STEAP3: variants seen among roughly 807,000 people sequenced by gnomAD.
The protein encoded by STEAP3 is metalloreductase STEAP3.
STEAP3 carries 35 observed loss-of-function variants against 34.9 expected under a neutral mutation model. That is an observed-to-expected ratio of 1.00 (90% CI 0.76 to 1.33). The LOEUF is 1.33. Among genes scored for constraint, STEAP3 ranks in the 40% most tolerant of loss-of-function variants. The probability of loss-of-function intolerance (pLI) is 0.00; values close to 1 mark genes in which losing one functional copy is unlikely to be tolerated. For synonymous variants in STEAP3, 281 were observed against 301.6 expected, an observed-to-expected ratio of 0.93 and a Z score of 0.71; for missense variants, 652 against 667.6, an observed-to-expected ratio of 0.98 and a Z score of 0.26.
intron 1 of STEAP3, among the ~76,000 whole-genome samples, chr2:119,228,432 G>A (rs1402607675): frequency 6.6e-6 from 1 of 152,178 alleles, no homozygotes; most frequent in African/African-American, 2.4e-5. Context: ...AGTTTGAGGG[G>A]ACCCACCACT....
At chr2:119,228,870 C>A (rs1019979525) in intron 1 of STEAP3, among the ~76,000 whole-genome samples, 1 of 152,124 alleles carries the variant, frequency 6.6e-6, no homozygotes, top group Admixed American at 6.5e-5. Context: ...CCCCAGGGGG[C>A]AGCTGTCACA....
At chr2:119,247,641 C>G (rs1217815517) in intron 3 of STEAP3, 38 bp from the exon 4 acceptor site, 8 of 1,502,766 alleles carry the variant, frequency 5.3e-6, no homozygotes, top group Non-Finnish European at 6.2e-6. Flanking sequence ...CTCCTGTGGC[C>G]TGTGACGCCG....
At chr2:119,241,630 A>G (rs1361526011) in intron 2 of STEAP3, among the ~76,000 whole-genome samples, 2 of 152,174 alleles carry the variant, frequency 1.3e-5, no homozygotes, top group Non-Finnish European at 2.9e-5. Context: ...GAAGCCACCC[A>G]GAGAGGCCCA....
At chr2:119,261,854 A>T (rs1244574674) in intron 5 of STEAP3, among the ~76,000 whole-genome samples, 1 of 152,190 alleles carries the variant, frequency 6.6e-6, no homozygotes, top group Non-Finnish European at 1.5e-5. Context: ...TCTCGGCTGG[A>T]AGTGACCCAC....
intron 2 of STEAP3, among the ~76,000 whole-genome samples, chr2:119,239,669 A>G (rs1452216633): frequency 2.0e-5 from 3 of 152,094 alleles, no homozygotes; most frequent in African/African-American, 4.8e-5. Flanking sequence ...TCAATTCGTC[A>G]AAGTTCGGCT....
intron 2 of STEAP3, among the ~76,000 whole-genome samples, chr2:119,235,836 C>T (rs1677078974): frequency 6.6e-6 from 1 of 152,180 alleles, no homozygotes; most frequent in African/African-American, 2.4e-5. Flanking sequence ...CATGACTGTC[C>T]TCGGCAGGGA....
At chr2:119,246,471 A>G (rs1364452223) in intron 3 of STEAP3, 2 of 163,478 alleles carry the variant, frequency 1.2e-5, no homozygotes, top group African/African-American at 2.4e-5. Context: ...GGGGCTAGAT[A>G]ATGGCTCCAC....
At chr2:119,254,997 G>A in intron 5 of STEAP3, 149 bp downstream of exon 5, 2 of 1,042,530 alleles carry the variant, frequency 1.9e-6, no homozygotes, top group Non-Finnish European at 2.8e-6. Flanking sequence ...CTGACCCAGA[G>A]GGCCCATCCA....
chr2:119,231,844 C>T (rs838097), intron 2 of STEAP3, among the ~76,000 whole-genome samples: 1 of 152,152 alleles, frequency 6.6e-6, no homozygotes, highest in African/African-American at 2.4e-5. Context: ...AAATAGAAAT[C>T]TACCAATTAG....
chr2:119,228,544 G>T (rs1019856045), intron 1 of STEAP3, among the ~76,000 whole-genome samples: 11 of 152,308 alleles, frequency 7.2e-5, no homozygotes, highest in African/African-American at 2.4e-4. Flanking sequence ...GATGTCTCTG[G>T]ACTGGCCAGA....
At chr2:119,257,540 C>T in intron 5 of STEAP3, 2 of 1,543,606 alleles carry the variant, frequency 1.3e-6, no homozygotes, top group Non-Finnish European at 1.8e-6. Context: ...ACTTACCTGC[C>T]CCGCATCATC....
chr2:119,234,475 C>T (rs1243935639), intron 2 of STEAP3, among the ~76,000 whole-genome samples: 6 of 152,228 alleles, frequency 3.9e-5, no homozygotes, highest in Admixed American at 1.3e-4. Flanking sequence ...AAACTAAAGC[C>T]CTCCTCCCTG....
At position 119,230,864 on chromosome 2, in the gene STEAP3, AG is replaced by A. The variant is rs1676909118; in HGVS notation, c.-148del. The A allele has an allele frequency of 1.9e-6, 2 of 1,034,266 alleles. No individual in the cohort carries two copies. Among genetic ancestry groups the A allele is most frequent in the African/African-American group, 1.6e-5 (1 of 64,318 alleles). The allele number at this position is 1,034,266 out of a possible 1,614,324, so 64.1% of individuals were successfully genotyped here. ...GCTGCGGGAGGCAGCTGGCTGTGCA[AG>A]ACCCTGGCAGGGCCCTCGCCTCCTG... On this transcript the variant is annotated 5_prime_UTR_variant, in exon 2 of 6. Transcript: ENST00000393110.
chr2:119,226,151 C>T (rs552579826), intron 1 of STEAP3, among the ~76,000 whole-genome samples: 3 of 152,332 alleles, frequency 2.0e-5, no homozygotes, highest in East Asian at 1.9e-4. Flanking sequence ...TGGCGGTCTA[C>T]GCTGCCTGCT....
At chr2:119,243,929 A>G (rs924926683) in intron 2 of STEAP3, among the ~76,000 whole-genome samples, 2 of 152,196 alleles carry the variant, frequency 1.3e-5, no homozygotes, top group Non-Finnish European at 2.9e-5. Flanking sequence ...GCAGACGCCC[A>G]TGGAGGGTGT....
chr2:119,255,786 T>C (rs1376138359), intron 5 of STEAP3, among the ~76,000 whole-genome samples: 1 of 151,890 alleles, frequency 6.6e-6, no homozygotes. Context: ...CTCTGGGAAA[T>C]GCTGCTAGTG....
At chr2:119,256,119 A>G (rs886764796) in intron 5 of STEAP3, among the ~76,000 whole-genome samples, 1 of 152,242 alleles carries the variant, frequency 6.6e-6, no homozygotes, top group African/African-American at 2.4e-5. Context: ...AAATCTGTGC[A>G]GGGAGGACGT....
Position 119,245,585 on chromosome 2 carries a change from A to G in STEAP3, c.119A>G (p.Lys40Arg). The change falls in exon 3 of 6, where the codon AAA becomes AGA. Residue 40 changes from lysine to arginine, a missense_variant. By Grantham distance (26) the Lys-to-Arg change is conservative. Coordinates refer to ENST00000393110, the MANE Select transcript of STEAP3 (RefSeq NM_182915.3). Reference sequence around the variant, plus strand: ...GCCAAGGTCCCCGATGAGGCCCCCAAAGTGGGCATCCTGGGTAGCGGGGAC... The same window carrying G: ...GCCAAGGTCCCCGATGAGGCCCCCAGAGTGGGCATCCTGGGTAGCGGGGAC... ...SLAKVPDEAP[K>R]VGILGSGDFA... 6.2e-7 allele frequency: 1 copy of G among 1,606,954 alleles called. No homozygotes were observed. The highest frequency in any genetic ancestry group is 8.5e-7 in the Non-Finnish European group (1 of 1,174,074).
intron 4 of STEAP3, among the ~76,000 whole-genome samples, chr2:119,251,527 TGTTCTCCTGTTACCTTCACCCC>T (rs2104833368): frequency 6.6e-6 from 1 of 152,290 alleles, no homozygotes; most frequent in East Asian, 1.9e-4. Flanking sequence ...ACCTGCACAC[TGTTCTCCTGTTACCTTCACCCC>T]GTTCTCCTAT....
Sources: gnomAD v4.1 joint callset for allele counts (sites outside exome capture counted in the v4.1 genomes callset) on GRCh38, gnomAD v4.1.1 for gene constraint, MANE v1.5 for transcripts, NCBI Gene and HGNC (gene_info 2026-07-23, HGNC 2026-07-21) for gene names.